The following C5 variants were observed in gnomAD, a reference collection of about 807,000 sequenced individuals.
The protein encoded by C5 is C3 and PZP-like alpha-2-macroglobulin domain-containing protein 4.
Under a neutral mutation model 218.8 loss-of-function variants are expected in C5, and 140 were observed. That is an observed-to-expected ratio of 0.64 (90% CI 0.56 to 0.74). The LOEUF (loss-of-function observed/expected upper bound fraction) is 0.74, where lower values mean the gene tolerates loss of function less well. Among genes scored for constraint, C5 ranks in the 30% least tolerant of loss-of-function variants. The probability of loss-of-function intolerance (pLI) is 0.00; values close to 1 mark genes in which losing one functional copy is unlikely to be tolerated. For missense variants in C5, 1,700 were observed against 1,969.6 expected (o/e 0.86, Z 2.59); for synonymous variants, 614 against 682.3 (o/e 0.90, Z 1.56).
At chr9:121,033,386 A>C (rs957971050) in intron 5 of C5, among the ~76,000 whole-genome samples, 15 of 152,260 alleles carry the variant, frequency 9.9e-5, no homozygotes, top group Non-Finnish European at 1.5e-5. Context: ...ATTACATTAC[A>C]TCATGCATCC....
At position 120,964,379 on chromosome 9, in the gene C5, T is replaced by C. The variant is rs41312897; in HGVS notation, c.4221-641A>G. 7.1e-3 allele frequency among the ~76,000 whole-genome samples: 1,081 copies of C among 152,256 alleles called. 9 individuals carry two copies. Among genetic ancestry groups the C allele is most frequent in the African/African-American group, 0.025 (1,022 of 41,554 alleles). The stretch of plus-strand genomic sequence containing the variant: ...ACCTGTAATCCTAACTACAGGAGAA[T>C]TGCTTGAACCTGGGAGGCGGAGGTT... On this transcript the variant is annotated intron_variant, in intron 33 of 40. Transcript: ENST00000223642.
Position 120,989,124 on chromosome 9 carries a change from A to G in C5, c.3155-3T>C. 6.2e-7 allele frequency: 1 copy of G among 1,610,778 alleles called. No individual in the cohort carries two copies. The highest frequency in any genetic ancestry group is 8.5e-7 in the Non-Finnish European group (1 of 1,176,948). On this transcript the variant is annotated splice_polypyrimidine_tract_variant and splice_region_variant and intron_variant, in intron 24 of 40. Transcript: ENST00000223642. ...GTAGGACATAATGCTCAACATCCCT[A>G]AGAAGCACAAGAAAAAGAACACGGT...
intron 39 of C5, among the ~76,000 whole-genome samples, chr9:120,955,973 T>C (rs1277787625): frequency 6.6e-6 from 1 of 152,136 alleles, no homozygotes; most frequent in Non-Finnish European, 1.5e-5. Context: ...AATTTAGCTT[T>C]ATGGTCCTAC....
At chr9:120,964,799 G>A (rs2046854513) in intron 33 of C5, among the ~76,000 whole-genome samples, 1 of 152,150 alleles carries the variant, frequency 6.6e-6, no homozygotes, top group African/African-American at 2.4e-5. Context: ...CCCTTTCTAA[G>A]CTCATTTTCT....
intron 6 of C5, among the ~76,000 whole-genome samples, chr9:121,031,256 C>T (rs1482892854): frequency 9.6e-5 from 10 of 104,010 alleles, no homozygotes; most frequent in East Asian, 4.5e-4. Context: ...AAACTATTTA[C>T]GTTACTTGTT....
At chr9:120,968,368 G>A (rs1489802974) in intron 33 of C5, among the ~76,000 whole-genome samples, 3 of 152,154 alleles carry the variant, frequency 2.0e-5, no homozygotes, top group African/African-American at 7.2e-5. Flanking sequence ...CTAGAATCTG[G>A]AATAGGCAAA....
chr9:120,959,001 G>A (rs1344994826), intron 38 of C5, among the ~76,000 whole-genome samples: 2 of 152,036 alleles, frequency 1.3e-5, no homozygotes, highest in African/African-American at 4.8e-5. Context: ...TGCCCAGGCT[G>A]GTCTAGAACC....
At chr9:121,022,968 G>T (rs2047379479) in intron 10 of C5, among the ~76,000 whole-genome samples, 1 of 151,820 alleles carries the variant, frequency 6.6e-6, no homozygotes, top group Non-Finnish European at 1.5e-5. Flanking sequence ...GAGACAGAGG[G>T]AAACAAATGA....
At chr9:121,073,511 C>CTT in the C5 span, among the ~76,000 whole-genome samples, 530 of 73,002 alleles carry the variant, frequency 7.3e-3, 2 homozygotes, top group Non-Finnish European at 8.6e-3. Flanking sequence ...GAAAACTGGA[C>CTT]TTTTTTTTTT....
At chr9:121,041,032 C>T (rs1463202533) in intron 3 of C5, among the ~76,000 whole-genome samples, 1 of 149,766 alleles carries the variant, frequency 6.7e-6, no homozygotes, top group Non-Finnish European at 1.5e-5. Flanking sequence ...CAACCTCTGC[C>T]TGCCATGTTC....
rs532359331 is a variant in C5, at chr9:121,022,894, TGAAAA to T, written c.1116+505_1116+509del. On this transcript the variant is annotated intron_variant, in intron 10 of 40. Coordinates refer to ENST00000223642, the MANE Select transcript of C5 (RefSeq NM_001735.3). ...ATTCAGGGACGGAAAGAAGCAAAAA[TGAAAA>T]GAACAGAGAGCAATACAGAGACGAG... Among the ~76,000 whole-genome samples, 836 of 150,270 alleles carry T rather than the reference TGAAAA, an allele frequency of 5.6e-3. 4 individuals carry two copies. Among genetic ancestry groups the T allele is most frequent in the Non-Finnish European group, 9.3e-3 (625 of 67,496 alleles).
chr9:121,006,774 T>TA (rs565290029), intron 19 of C5, 130 bp downstream of exon 19: 31 of 688,840 alleles, frequency 4.5e-5, no homozygotes, highest in Non-Finnish European at 5.7e-5. Context: ...TGGTAATACA[T>TA]AAAAAAAAGA....
intron 31 of C5, among the ~76,000 whole-genome samples, chr9:120,970,762 G>T (rs1032323040): frequency 6.6e-6 from 1 of 152,212 alleles, no homozygotes; most frequent in Non-Finnish European, 1.5e-5. Flanking sequence ...AACAGTCCTT[G>T]AAGGAATGAA....
At chr9:121,042,939 C>A in intron 3 of C5, 65 bp downstream of exon 3, 4 of 1,334,392 alleles carry the variant, frequency 3.0e-6, no homozygotes, top group Non-Finnish European at 4.3e-6. Flanking sequence ...TATTAAAAAG[C>A]TCTACAATAT....
intron 23 of C5, among the ~76,000 whole-genome samples, chr9:120,990,090 C>T (rs2047065975): frequency 6.6e-6 from 1 of 152,176 alleles, no homozygotes; most frequent in Middle Eastern, 3.4e-3. Context: ...CATTATAAAC[C>T]ATATTTACCA....
chr9:121,038,923 C>T (rs542204399), intron 3 of C5, among the ~76,000 whole-genome samples: 13 of 152,324 alleles, frequency 8.5e-5, no homozygotes, highest in African/African-American at 3.1e-4. Context: ...AATCCTATCT[C>T]CTGCTTTTTG....
At chr9:120,955,254 T>C (rs1387450365) in intron 39 of C5, among the ~76,000 whole-genome samples, 2 of 152,142 alleles carry the variant, frequency 1.3e-5, no homozygotes, top group East Asian at 3.8e-4. Flanking sequence ...AATGAGGAGA[T>C]GAAGTATGCC....
chr9:120,953,446 A>G (rs559464915), intron 40 of C5, among the ~76,000 whole-genome samples: 1 of 152,336 alleles, frequency 6.6e-6, no homozygotes, highest in East Asian at 1.9e-4. Flanking sequence ...CTCTTTACAA[A>G]CAGTCTGAGA....
Position 120,961,512 on chromosome 9 carries a change from A to C in C5, c.4558T>G (p.Cys1520Gly). 2 of 1,613,218 alleles carry C rather than the reference A, an allele frequency of 1.2e-6. No individual in the cohort carries two copies. Among genetic ancestry groups the C allele is most frequent in the Middle Eastern group, 1.6e-4 (1 of 6,062 alleles). ...STSNIKIQKV[C>G]EGAACKCVEA... ...ACACACTTGCACGCGGCTCCTTCACAGACTTTCTGAATTTTGATATTGGAA... is the reference window on the plus strand; with the variant it reads ...ACACACTTGCACGCGGCTCCTTCACCGACTTTCTGAATTTTGATATTGGAA... The change falls in exon 37 of 41, where the codon TGT becomes GGT. Residue 1520 changes from cysteine to glycine, a missense_variant. Cys to Gly is a radical substitution (Grantham distance 159). Transcript: ENST00000223642.
Sources: allele counts gnomAD v4.1 joint callset (sites outside exome capture counted in the v4.1 genomes callset), GRCh38; gene constraint gnomAD v4.1.1; transcripts MANE v1.5; gene names NCBI Gene and HGNC (gene_info 2026-07-23, HGNC 2026-07-21).